The following FNBP1 variants were observed in gnomAD, a reference collection of about 807,000 sequenced individuals.
The protein encoded by FNBP1 is formin binding protein 1.
Under a neutral mutation model 90.6 loss-of-function variants are expected in FNBP1, and 26 were observed. The ratio of observed to expected loss-of-function variants is 0.29; its 90% CI spans 0.21 to 0.40. The LOEUF (loss-of-function observed/expected upper bound fraction) is 0.40. Among genes scored for constraint, FNBP1 ranks in the 10% least tolerant of loss-of-function variants. FNBP1 has a pLI of 1.00. For missense variants in FNBP1, 635 were observed against 768.0 expected (o/e 0.83, Z 2.05); for synonymous variants, 260 against 265.2 (o/e 0.98, Z 0.19).
At chr9:129,940,748 T>C (rs2044202805) in intron 6 of FNBP1, among the ~76,000 whole-genome samples, 1 of 152,020 alleles carries the variant, frequency 6.6e-6, no homozygotes, top group Non-Finnish European at 1.5e-5. Context: ...TGCCTCAGCC[T>C]CCTGAGTAGC....
chr9:129,974,728 C>T (rs1219484665), intron 4 of FNBP1, among the ~76,000 whole-genome samples: 1 of 151,776 alleles, frequency 6.6e-6, no homozygotes, highest in African/African-American at 2.4e-5. Context: ...AGCATGGTGG[C>T]ATATGCCTGT....
upstream of FNBP1, among the ~76,000 whole-genome samples, chr9:130,047,653 T>G (rs1016598512): frequency 1.2e-3 from 5 of 4,026 alleles, no homozygotes; most frequent in South Asian, 0.031. Context: ...AAGTTTATGT[T>G]TTTTTTTTTC....
intron 2 of FNBP1, among the ~76,000 whole-genome samples, chr9:129,992,266 T>C (rs562516317): frequency 4.6e-5 from 7 of 152,222 alleles, no homozygotes; most frequent in Non-Finnish European, 8.8e-5. Context: ...AAAGACAACA[T>C]TGCATGACTA....
chr9:129,898,675 A>C (rs1000074816), intron 15 of FNBP1, among the ~76,000 whole-genome samples: 2 of 152,072 alleles, frequency 1.3e-5, no homozygotes, highest in African/African-American at 4.8e-5. Flanking sequence ...TTTTTAGTAG[A>C]GATGGGGTTT....
intron 6 of FNBP1, among the ~76,000 whole-genome samples, chr9:129,952,500 G>GA (rs2046337892): frequency 1.3e-5 from 2 of 151,678 alleles, no homozygotes; most frequent in Admixed American, 6.6e-5. Flanking sequence ...TCAAAAAACA[G>GA]AAAAAAACAA....
In FNBP1 at chr9:129,890,111, G is replaced by A. The variant is rs1485638142; in HGVS notation, c.*428C>T. ...ACGGATGACATCGAGTGCTCAGTCCGCCTGATGTGCGCTGGACCTGCCTTG... is the reference window on the plus strand; with the variant it reads ...ACGGATGACATCGAGTGCTCAGTCCACCTGATGTGCGCTGGACCTGCCTTG... On this transcript the variant is annotated 3_prime_UTR_variant, in exon 17 of 17. Transcript: ENST00000446176. The surrounding 1 kb of genome is among the most constrained non-coding windows in gnomAD (Gnocchi z 5.8). 2 of 292,048 alleles carry A rather than the reference G, an allele frequency of 6.8e-6. No individual in the cohort carries two copies. The highest frequency in any genetic ancestry group is 2.1e-5 in the African/African-American group (1 of 46,762). The allele number at this position is 292,048 out of a possible 1,614,324, so 18.1% of individuals were successfully genotyped here.
At chr9:130,007,239 CAAAAAAAAA>C (rs72063140) in intron 1 of FNBP1, among the ~76,000 whole-genome samples, 2 of 77,020 alleles carry the variant, frequency 2.6e-5, no homozygotes, top group East Asian at 8.1e-4. Flanking sequence ...GAGATCCTGT[CAAAAAAAAA>C]AAAAAAAAAG....
At chr9:129,925,431 A>T (rs1356857879) in intron 8 of FNBP1, among the ~76,000 whole-genome samples, 2 of 151,690 alleles carry the variant, frequency 1.3e-5, no homozygotes, top group Non-Finnish European at 2.9e-5. Context: ...GCATGAACCC[A>T]GGAGGCGGAG....
At chr9:130,001,796 G>A (rs1176736217) in intron 1 of FNBP1, among the ~76,000 whole-genome samples, 1 of 152,054 alleles carries the variant, frequency 6.6e-6, no homozygotes, top group South Asian at 2.1e-4. Flanking sequence ...GGCCAAGGCA[G>A]GCAGATCACC....
chr9:129,967,338 A>G (rs1315367519), intron 4 of FNBP1, among the ~76,000 whole-genome samples: 1 of 152,216 alleles, frequency 6.6e-6, no homozygotes, highest in Non-Finnish European at 1.5e-5. Flanking sequence ...CAATATGGCA[A>G]AATCCCGTCT....
chr9:130,009,427 C>T (rs781398474), intron 1 of FNBP1, among the ~76,000 whole-genome samples: 10 of 152,106 alleles, frequency 6.6e-5, no homozygotes, highest in Non-Finnish European at 1.3e-4. Context: ...TTTGGGAGGC[C>T]GAGGCAAGCG....
At chr9:129,998,239 C>T (rs540010602) in intron 1 of FNBP1, among the ~76,000 whole-genome samples, 6 of 148,800 alleles carry the variant, frequency 4.0e-5, no homozygotes, top group African/African-American at 1.2e-4. Context: ...CGCGGTGGCT[C>T]ACACCTGTAA....
chr9:130,023,041 A>G (rs138861906), intron 1 of FNBP1, among the ~76,000 whole-genome samples: 1 of 152,308 alleles, frequency 6.6e-6, no homozygotes, highest in East Asian at 1.9e-4. Context: ...TGAGGCGGCT[A>G]AGGAAAAGAA....
chr9:129,964,855 C>A (rs560451698), intron 4 of FNBP1, among the ~76,000 whole-genome samples: 2 of 31,170 alleles, frequency 6.4e-5, no homozygotes, highest in Non-Finnish European at 1.6e-4. Flanking sequence ...GTGAGAACAG[C>A]CCTTTCAAAA....
chr9:129,919,398 T>A (rs932733138), intron 10 of FNBP1, among the ~76,000 whole-genome samples: 9 of 152,212 alleles, frequency 5.9e-5, no homozygotes, highest in Non-Finnish European at 1.0e-4. Context: ...AAAACGTACA[T>A]CCATATTTTA....
chr9:130,050,606 A>G, the FNBP1 span, among the ~76,000 whole-genome samples: 1 of 151,156 alleles, frequency 6.6e-6, no homozygotes, highest in African/African-American at 2.4e-5. Flanking sequence ...AGTTTCCTAT[A>G]CTGTCTTAAC....
rs569812005 is a variant in FNBP1, at chr9:129,994,137, C to T, written c.140+706G>A. On this transcript the variant is annotated intron_variant, in intron 2 of 16. Transcript: ENST00000446176. ...CCTTGTACAATAATGCTCGTTGGAGCGCTACTCATTATAGCTTAAATTAGA... is the reference window on the plus strand; with the variant it reads ...CCTTGTACAATAATGCTCGTTGGAGTGCTACTCATTATAGCTTAAATTAGA... 3.0e-4 allele frequency among the ~76,000 whole-genome samples: 45 copies of T among 152,190 alleles called. No individual in the cohort carries two copies. The South Asian group carries it at 9.3e-3, about 32-fold the overall frequency.
chr9:129,913,622 T>C (rs1008290832), intron 11 of FNBP1, among the ~76,000 whole-genome samples: 1 of 151,766 alleles, frequency 6.6e-6, no homozygotes, highest in Non-Finnish European at 1.5e-5. Flanking sequence ...AATACAAAAA[T>C]TAGCTGGGTG....
chr9:129,890,408 A>C lies in FNBP1; in HGVS notation c.*131T>G. 1 of 761,808 alleles carries C rather than the reference A, an allele frequency of 1.3e-6. No individual in the cohort carries two copies. Among genetic ancestry groups the C allele is most frequent in the Non-Finnish European group, 2.3e-6 (1 of 442,108 alleles). 47.2% of individuals were successfully genotyped at this position (761,808 alleles called of 1,614,324 possible). A position where few individuals can be genotyped will look rare whatever the true frequency, so the allele number is the denominator to read the frequency against. ...CGCAGGGAGCATGCTGGAGAGAGAGAGAGACCGCCCCGCAGGGATGGGGCT... is the reference window on the plus strand; with the variant it reads ...CGCAGGGAGCATGCTGGAGAGAGAGCGAGACCGCCCCGCAGGGATGGGGCT... On this transcript the variant is annotated 3_prime_UTR_variant, in exon 17 of 17. Coordinates refer to ENST00000446176, the MANE Select transcript of FNBP1 (RefSeq NM_015033.3). The surrounding 1 kb of genome is among the most constrained non-coding windows in gnomAD (Gnocchi z 5.8).
Sources: allele counts gnomAD v4.1 joint callset (sites outside exome capture counted in the v4.1 genomes callset), GRCh38; gene constraint gnomAD v4.1.1; non-coding constraint Gnocchi (gnomAD v3.1); transcripts MANE v1.5; gene names NCBI Gene and HGNC (gene_info 2026-07-23, HGNC 2026-07-21).